MBD5: variants seen among roughly 807,000 people sequenced by gnomAD.
The protein encoded by MBD5 is methyl-CpG-binding domain protein 5.
MBD5 carries 13 observed loss-of-function variants against 117.3 expected under a neutral mutation model. That is an observed-to-expected ratio of 0.11 (90% CI 0.07 to 0.18). The LOEUF is 0.18. Ranked by LOEUF, MBD5 falls within the 10% of genes least tolerant of loss-of-function variation. MBD5 has a pLI of 1.00. For synonymous variants in MBD5, 727 were observed against 766.4 expected, an observed-to-expected ratio of 0.95 and a Z score of 0.85; for missense variants, 1,879 against 2,093.8, an observed-to-expected ratio of 0.90 and a Z score of 2.00.
intron 8 of MBD5, among the ~76,000 whole-genome samples, chr2:148,481,582 A>G (rs781720699): frequency 3.3e-5 from 5 of 152,206 alleles, no homozygotes; most frequent in Non-Finnish European, 7.3e-5. Flanking sequence ...AATATTTGTC[A>G]AATGCATGTA....
intron 1 of MBD5, among the ~76,000 whole-genome samples, chr2:148,127,050 A>G (rs1004050341): frequency 2.8e-5 from 4 of 142,074 alleles, no homozygotes; most frequent in African/African-American, 1.1e-4. Context: ...ATCTCGGCTC[A>G]CTGCAAGCTC....
At chr2:148,332,812 A>C (rs1702694052) in intron 3 of MBD5, among the ~76,000 whole-genome samples, 1 of 152,110 alleles carries the variant, frequency 6.6e-6, no homozygotes, top group South Asian at 2.1e-4. Flanking sequence ...TTTTAATCTG[A>C]AAATTCATCT....
intron 4 of MBD5, among the ~76,000 whole-genome samples, chr2:148,367,648 C>T (rs1218391478): frequency 6.6e-6 from 1 of 151,930 alleles, no homozygotes; most frequent in African/African-American, 2.4e-5. Flanking sequence ...ACAAACAACC[C>T]CATCAAAAAA....
At chr2:148,227,506 A>G (rs1163178003) in intron 2 of MBD5, among the ~76,000 whole-genome samples, 7 of 152,000 alleles carry the variant, frequency 4.6e-5, no homozygotes, top group African/African-American at 7.2e-5. Flanking sequence ...ATGCTGTTTT[A>G]GTTACTGTGG....
At chr2:148,122,110 G>A (rs1197640820) in intron 1 of MBD5, among the ~76,000 whole-genome samples, 19 of 151,952 alleles carry the variant, frequency 1.3e-4, no homozygotes, top group Admixed American at 1.0e-3. Flanking sequence ...ACTGACCTCC[G>A]CATTTTTGGT....
At chr2:148,022,087 T>G (rs547911918) in intron 1 of MBD5, among the ~76,000 whole-genome samples, 1 of 152,338 alleles carries the variant, frequency 6.6e-6, no homozygotes, top group East Asian at 1.9e-4. Context: ...AAAGCTCCAC[T>G]GCATTTGTTT....
At chr2:148,369,452 A>T (rs116476001) in intron 4 of MBD5, among the ~76,000 whole-genome samples, 1 of 152,158 alleles carries the variant, frequency 6.6e-6, no homozygotes, top group Admixed American at 6.5e-5. Flanking sequence ...GAAATGAAGT[A>T]TTTAGGGGTA....
chr2:148,023,067 C>T (rs536619310), intron 1 of MBD5, among the ~76,000 whole-genome samples: 13 of 150,880 alleles, frequency 8.6e-5, no homozygotes, highest in African/African-American at 1.7e-4. Context: ...CTCTTTCGCT[C>T]GCTCTCTCTC....
intron 1 of MBD5, among the ~76,000 whole-genome samples, chr2:148,124,101 A>G (rs1257661937): frequency 6.6e-6 from 1 of 152,140 alleles, no homozygotes; most frequent in Non-Finnish European, 1.5e-5. Context: ...CAACATGGCA[A>G]AACCCTGTCT....
At chr2:148,453,230 G>A (rs1023998570) in intron 4 of MBD5, among the ~76,000 whole-genome samples, 3 of 152,266 alleles carry the variant, frequency 2.0e-5, no homozygotes, top group African/African-American at 7.2e-5. Context: ...CAGTCATTTT[G>A]ACGAGATGAT....
At chr2:148,432,844 A>G (rs891936267) in intron 4 of MBD5, among the ~76,000 whole-genome samples, 2 of 152,052 alleles carry the variant, frequency 1.3e-5, no homozygotes, top group African/African-American at 4.8e-5. Context: ...TGCTTTGGCT[A>G]TTTGGGTGCT....
In MBD5 at chr2:148,490,318, G is replaced by A; in HGVS notation, c.4686G>A (p.Leu1562=). 6.2e-7 allele frequency: 1 copy of A among 1,614,084 alleles called. No individual in the cohort carries two copies. Among genetic ancestry groups the A allele is most frequent in the Non-Finnish European group, 8.5e-7 (1 of 1,180,016 alleles). The change falls in exon 11 of 14, where the codon CTG becomes CTA. Residue 1562 remains leucine, a synonymous_variant. Coordinates refer to ENST00000642680, the MANE Select transcript of MBD5 (RefSeq NM_001378120.1). ...CCTCAAATAGTTTGGAAAATTCTCT[G>A]GTCAAAGACTACATCCATTACAATG... The part of the protein sequence containing the change: ...PSSSNSLENS[L]VKDYIHYNGD...
chr2:148,328,954 A>G (rs1020835848), intron 3 of MBD5, among the ~76,000 whole-genome samples: 2 of 152,210 alleles, frequency 1.3e-5, no homozygotes, highest in African/African-American at 4.8e-5. Context: ...CTGTCTTTTG[A>G]AAAAGTCATT....
chr2:148,393,614 A>G (rs1704624795), intron 4 of MBD5, among the ~76,000 whole-genome samples: 1 of 152,164 alleles, frequency 6.6e-6, no homozygotes, highest in Admixed American at 6.5e-5. Context: ...TAAATTAACT[A>G]AATTATCCTA....
intron 1 of MBD5, among the ~76,000 whole-genome samples, chr2:148,120,906 A>G (rs1481787685): frequency 6.6e-6 from 1 of 152,216 alleles, no homozygotes; most frequent in Non-Finnish European, 1.5e-5. Flanking sequence ...TGACTTTTTC[A>G]TAGACGCCCT....
chr2:148,507,472 T>C (rs1283410694), intron 12 of MBD5, among the ~76,000 whole-genome samples: 2 of 152,184 alleles, frequency 1.3e-5, no homozygotes, highest in African/African-American at 4.8e-5. Flanking sequence ...TTTAATACAA[T>C]ACTTGGGCCG....
intron 4 of MBD5, among the ~76,000 whole-genome samples, chr2:148,436,966 A>G (rs1179874130): frequency 1.3e-5 from 2 of 151,796 alleles, no homozygotes; most frequent in Admixed American, 6.6e-5. Context: ...TGAACTTCCT[A>G]TGAATATATG....
intron 4 of MBD5, among the ~76,000 whole-genome samples, chr2:148,362,483 C>T (rs1438138356): frequency 6.6e-6 from 1 of 152,190 alleles, no homozygotes; most frequent in Non-Finnish European, 1.5e-5. Flanking sequence ...GCAGCATCCC[C>T]AGTCAGGGAC....
chr2:148,159,873 A>T (rs551559242), intron 1 of MBD5, among the ~76,000 whole-genome samples: 2 of 152,338 alleles, frequency 1.3e-5, no homozygotes, highest in South Asian at 4.1e-4. Flanking sequence ...ATTGGTACCA[A>T]AACCAAGATT....
Sources: gnomAD v4.1 joint callset for allele counts (sites outside exome capture counted in the v4.1 genomes callset) on GRCh38, gnomAD v4.1.1 for gene constraint, MANE v1.5 for transcripts, NCBI Gene and HGNC (gene_info 2026-07-23, HGNC 2026-07-21) for gene names.